Variants in SERPINA1 observed in about 807,000 individuals in gnomAD.
SERPINA1 encodes alpha-1-antitrypsin.
In SERPINA1, 21 loss-of-function variants were observed where a neutral mutation model predicts 25.4. The ratio of observed to expected loss-of-function variants is 0.83; its 90% confidence interval spans 0.59 to 1.19. The LOEUF (loss-of-function observed/expected upper bound fraction) is 1.19, where lower values mean the gene tolerates loss of function less well. SERPINA1 is among the 50% of genes most tolerant of loss of function. The pLI is 0.00. For missense variants in SERPINA1, 546 were observed against 509.0 expected (o/e 1.07, Z -0.70); for synonymous variants, 218 against 211.1 (o/e 1.03, Z -0.29).
chr14:94,379,593 T>C lies in SERPINA1; in HGVS notation c.936A>G (p.Leu312=). 2 of 1,613,084 alleles carry C rather than the reference T, an allele frequency of 1.2e-6. No homozygotes were observed. The highest frequency in any genetic ancestry group is 1.1e-5 in the South Asian group (1 of 91,040). ...AGGTTCCAGTAATGGACAGTTTGGG[T>C]AAATGTAAGCTGGCAGACCTGTCGT... ...NEDRRSASLH[L]PKLSITGTYD... The change falls in exon 4 of 5, where the codon TTA becomes TTG. Residue 312 remains leucine (L), a synonymous_variant. Coordinates refer to ENST00000393087, the MANE Select transcript of SERPINA1 (RefSeq NM_000295.5).
chr14:94,378,313 C>T lies in SERPINA1; in HGVS notation c.*136G>A, dbSNP rs1896509604. ...ACCTGGAGCCCACATACAGCCTCAG[C>T]AGGCAAAGGGAGACTCAGAGAAAAC... On this transcript the variant is annotated 3_prime_UTR_variant, in exon 5 of 5. Coordinates refer to ENST00000393087, the MANE Select transcript of SERPINA1 (RefSeq NM_000295.5). 3 of 766,894 alleles carry T rather than the reference C, an allele frequency of 3.9e-6. No homozygotes were observed. Among genetic ancestry groups the T allele is most frequent in the Admixed American group, 2.2e-5 (1 of 45,766 alleles). The allele number at this position is 766,894 out of a possible 1,614,324, so 47.5% of individuals were successfully genotyped here.
chr14:94,379,871 G>A (rs1264418985), intron 3 of SERPINA1, among the ~76,000 whole-genome samples: 2 of 152,270 alleles, frequency 1.3e-5, no homozygotes, highest in Non-Finnish European at 2.9e-5. Context: ...CTGGAAGCCT[G>A]TCTCATCTTG....
rs752147685 is a variant in SERPINA1 at position 94,379,620 on chromosome 14, C to A, written c.918-9G>T. 2 of 1,614,158 alleles carry A rather than the reference C, an allele frequency of 1.2e-6. No homozygotes were observed. Among genetic ancestry groups the A allele is most frequent in the East Asian group, 4.5e-5 (2 of 44,880 alleles). On this transcript the variant is annotated splice_polypyrimidine_tract_variant and intron_variant, in intron 3 of 4. Coordinates refer to ENST00000393087, the MANE Select transcript of SERPINA1 (RefSeq NM_000295.5). ...AATGTAAGCTGGCAGACCTGTCGTG[C>A]AGAAAAGAAATTCAAGGCATGGCAC... is the stretch of plus-strand genomic sequence containing the variant.
chr14:94,382,317 A>G (rs774780725), intron 2 of SERPINA1, among the ~76,000 whole-genome samples: 13 of 152,208 alleles, frequency 8.5e-5, no homozygotes, highest in Non-Finnish European at 1.2e-4. Flanking sequence ...TCTAAGCATT[A>G]TATATTCTAC....
Position 94,388,594 on chromosome 14 carries a change from G to A in SERPINA1, c.-39C>T, listed in dbSNP as rs1304694982. 1 of 152,322 alleles carries A rather than the reference G, an allele frequency of 6.6e-6. No homozygotes were observed. The highest frequency in any genetic ancestry group is 2.4e-5 in the African/African-American group (1 of 41,436). 9.4% of individuals were successfully genotyped at this position (152,322 alleles called of 1,614,324 possible). A position where few individuals can be genotyped will look rare whatever the true frequency, so the allele number is the denominator to read the frequency against. On this transcript the variant is annotated 5_prime_UTR_variant, in exon 1 of 5. Coordinates refer to ENST00000393087, the MANE Select transcript of SERPINA1 (RefSeq NM_000295.5). ...TCCCAGGTCAGTGGTGGTGCCTGAA[G>A]CTGAGGAGACAGGGCCCTGTCCTCG... is the stretch of plus-strand genomic sequence containing the variant.
rs1896499137 is a variant in SERPINA1, at chr14:94,378,174, G to A, written c.*275C>T. The A allele has an allele frequency of 1.9e-6, 1 of 530,704 alleles. No individual in the cohort carries two copies. Among genetic ancestry groups the A allele is most frequent in the African/African-American group, 1.9e-5 (1 of 52,672 alleles). The allele number at this position is 530,704 out of a possible 1,614,324, so 32.9% of individuals were successfully genotyped here. On this transcript the variant is annotated 3_prime_UTR_variant, in exon 5 of 5. Transcript: ENST00000393087. ...AGACTGGAGCCCTCCAGAAACAGATGGGCCCAGGTCCGTAAGCTGAGGATT... is the reference window on the plus strand; with the variant it reads ...AGACTGGAGCCCTCCAGAAACAGATAGGCCCAGGTCCGTAAGCTGAGGATT...
chr14:94,382,827 G>C lies in SERPINA1; in HGVS notation c.411C>G (p.Thr137=), dbSNP rs1344951022. The change falls in exon 2 of 5, where the codon ACC becomes ACG. Residue 137 remains threonine, a synonymous_variant. Transcript: ENST00000393087. ...LNQPDSQLQL[T]TGNGLFLSEG... ...CGCTGAGGAACAGGCCATTGCCGGT[G>C]GTCAGCTGGAGCTGGCTGTCTGGCT... 1.9e-6 allele frequency: 3 copies of C among 1,614,202 alleles called. No individual in the cohort carries two copies. Among genetic ancestry groups the C allele is most frequent in the Non-Finnish European group, 2.5e-6 (3 of 1,180,026 alleles).
In SERPINA1 at chr14:94,378,550, G is replaced by C. The variant is rs12233; in HGVS notation, c.1156C>G (p.Pro386Ala). 5.6e-5 allele frequency: 90 copies of C among 1,614,024 alleles called. No individual in the cohort carries two copies. In the Admixed American group the frequency reaches 7.2e-4, roughly 13 times the overall value. The change falls in exon 5 of 5, where the codon CCC becomes GCC. Residue 386 changes from proline (P) to alanine (A), a missense_variant. Coordinates refer to ENST00000393087, the MANE Select transcript of SERPINA1 (RefSeq NM_000295.5). ...AAGGGTTTGTTGAACTTGACCTCGG[G>C]GGGGATAGACATGGGTATGGCCTCT... is the stretch of plus-strand genomic sequence containing the variant. ...FLEAIPMSIPPEVKFNKPFVF... is the reference protein window; with the variant it reads ...FLEAIPMSIPAEVKFNKPFVF...
At chr14:94,379,053 T>C (rs1043233700) in intron 4 of SERPINA1, 1 of 536,460 alleles carries the variant, frequency 1.9e-6, no homozygotes, top group Non-Finnish European at 3.3e-6. Context: ...GCCTTTAGTT[T>C]TCCAAAATAA....
upstream of SERPINA1, chr14:94,390,551 A>T (rs1198299467): frequency 4.6e-5 from 7 of 152,372 alleles, no homozygotes; most frequent in African/African-American, 1.7e-4. Flanking sequence ...CCGCCCCTCC[A>T]ACCTGGAATT....
Position 94,377,285 on chromosome 14 carries a change from C to T in SERPINA1, c.*1164G>A, listed in dbSNP as rs1232298574. The T allele has an allele frequency of 6.6e-6, 1 of 152,182 alleles. No homozygotes were observed. The highest frequency in any genetic ancestry group is 1.5e-5 in the Non-Finnish European group (1 of 68,072). 9.4% of individuals were successfully genotyped at this position (152,182 alleles called of 1,614,324 possible). ...GAGCAGGCTGTCCTTCAGCTAGGGG[C>T]CCAGGGGACTTCCTGGCTGCTGTGT... On this transcript the variant is annotated 3_prime_UTR_variant, in exon 5 of 5. Transcript: ENST00000393087.
intron 2 of SERPINA1, among the ~76,000 whole-genome samples, chr14:94,382,121 A>G (rs74977089): frequency 0.024 from 3,699 of 152,354 alleles, 124 homozygotes; most frequent in African/African-American, 0.073. Flanking sequence ...TGCTAAGATG[A>G]GAAATTAGCA....
At chr14:94,386,622 C>T (rs1478874749) in intron 1 of SERPINA1, among the ~76,000 whole-genome samples, 1 of 152,178 alleles carries the variant, frequency 6.6e-6, no homozygotes, top group Non-Finnish European at 1.5e-5. Flanking sequence ...GAAGCCCTCC[C>T]TGTACCTGCA....
upstream of SERPINA1, chr14:94,389,815 C>T (rs1897567884): frequency 1.3e-5 from 2 of 152,252 alleles, no homozygotes; most frequent in Admixed American, 6.5e-5. Context: ...CAGGATCCTC[C>T]AGCACACACA....
At chr14:94,379,401 C>T (rs768670196) in intron 4 of SERPINA1, 63 bp downstream of exon 4, 3 of 1,603,356 alleles carry the variant, frequency 1.9e-6, no homozygotes, top group Admixed American at 3.4e-5. Flanking sequence ...GACAGAGCTG[C>T]AGCCCCCACA....
chr14:94,383,059 C>T lies in SERPINA1; in HGVS notation c.179G>A (p.Ser60Asn). 6.2e-7 allele frequency: 1 copy of T among 1,614,094 alleles called. No individual in the cohort carries two copies. The highest frequency in any genetic ancestry group is 8.5e-7 in the Non-Finnish European group (1 of 1,179,918). Reference protein sequence around the residue: ...ITPNLAEFAFSLYRQLAHQSN... With the variant: ...ITPNLAEFAFNLYRQLAHQSN... The stretch of plus-strand genomic sequence containing the variant: ...CTGGTGTGCCAGCTGGCGGTATAGG[C>T]TGAAGGCGAACTCAGCCAGGTTGGG... The change falls in exon 2 of 5, where the codon AGC becomes AAC. Residue 60 changes from serine (S) to asparagine (N), a missense_variant. Physicochemically the swap from Ser to Asn is conservative, Grantham distance 46. Transcript: ENST00000393087.
chr14:94,378,732 C>T (rs960136732), intron 4 of SERPINA1, 92 bp from the exon 5 acceptor site: 2 of 1,260,840 alleles, frequency 1.6e-6, no homozygotes, highest in Non-Finnish European at 2.2e-6. Context: ...CGCTCACTCC[C>T]CCTGGACGGC....
In SERPINA1 at chr14:94,378,383, C is replaced by T; in HGVS notation, c.*66G>A. The T allele has an allele frequency of 7.2e-7, 1 of 1,386,680 alleles. No homozygotes were observed. The highest frequency in any genetic ancestry group is 2.3e-5 in the East Asian group (1 of 43,862). The allele number at this position is 1,386,680 out of a possible 1,614,324, so 85.9% of individuals were successfully genotyped here. ...ACATGCAGGCAGGGACCAGCTCAAC[C>T]CTTCTTTAATGTCATCCAGGGAGGG... is the stretch of plus-strand genomic sequence containing the variant. On this transcript the variant is annotated 3_prime_UTR_variant, in exon 5 of 5. Transcript: ENST00000393087.
chr14:94,387,208 T>A (rs1044209261), intron 1 of SERPINA1, among the ~76,000 whole-genome samples: 32 of 152,256 alleles, frequency 2.1e-4, no homozygotes, highest in African/African-American at 7.0e-4. Context: ...TTGCTCCACG[T>A]CAACTTGCTA....
Sources: allele counts gnomAD v4.1 joint callset (sites outside exome capture counted in the v4.1 genomes callset), GRCh38; gene constraint gnomAD v4.1.1; transcripts MANE v1.5; gene names NCBI Gene and HGNC (gene_info 2026-07-23, HGNC 2026-07-21).